Variants in KIF3A observed in about 807,000 individuals in gnomAD.
KIF3A encodes kinesin-like protein KIF3A.
In KIF3A, 27 loss-of-function variants were observed where a neutral mutation model predicts 92.6. The ratio of observed to expected loss-of-function variants is 0.29; its 90% CI spans 0.21 to 0.40. The LOEUF is 0.40. KIF3A is among the 10% of genes least tolerant of loss of function. The probability of loss-of-function intolerance (pLI) is 1.00; values close to 1 mark genes in which losing one functional copy is unlikely to be tolerated. For synonymous variants in KIF3A, 250 were observed against 275.4 expected (o/e 0.91, Z 0.92); for missense variants, 581 against 872.6 (o/e 0.67, Z 4.21).
At chr5:132,731,695 T>A (rs1465301985) in intron 2 of KIF3A, among the ~76,000 whole-genome samples, 1 of 151,870 alleles carries the variant, frequency 6.6e-6, no homozygotes, top group African/African-American at 2.4e-5. Flanking sequence ...GTAAAAACTG[T>A]CTTTACTTGC....
chr5:132,726,254 C>T (rs1365955075), intron 3 of KIF3A, 42 bp from the exon 4 acceptor site: 8 of 1,580,526 alleles, frequency 5.1e-6, no homozygotes, highest in Admixed American at 1.7e-5. Flanking sequence ...GTGAAATATT[C>T]ATAAGAACGG....
At position 132,700,765 on chromosome 5, in the gene KIF3A, A is replaced by G. The variant is rs1488496489; in HGVS notation, c.1885-65T>C. 4.0e-6 allele frequency: 4 copies of G among 994,482 alleles called. No homozygotes were observed. The East Asian group carries it at 1.0e-4, about 25-fold the overall frequency. 61.6% of individuals were successfully genotyped at this position (994,482 alleles called of 1,614,324 possible). A position where few individuals can be genotyped will look rare whatever the true frequency, so the allele number is the denominator to read the frequency against. On this transcript the variant is annotated intron_variant, in intron 15 of 18. Coordinates refer to ENST00000403231, the MANE Select transcript of KIF3A (RefSeq NM_001300791.2). Reference sequence around the variant, plus strand: ...ATAACATCTAAAATATTGAAGTCATAAAACTAAAATCTTAATAACATTGAG... The same window carrying G: ...ATAACATCTAAAATATTGAAGTCATGAAACTAAAATCTTAATAACATTGAG...
chr5:132,715,737 A>G lies in KIF3A; in HGVS notation c.1129+20T>C, dbSNP rs1357579805. ...GTATTTTTAGCCAACATAAAGATTA[A>G]TATTTTGAGGAAAAGCTACCTTCTT... On this transcript the variant is annotated intron_variant, in intron 8 of 18. Coordinates refer to ENST00000403231, the MANE Select transcript of KIF3A (RefSeq NM_001300791.2). 6.3e-7 allele frequency: 1 copy of G among 1,575,544 alleles called. No homozygotes were observed.
At position 132,702,155 on chromosome 5, in the gene KIF3A, G is replaced by A. The variant is rs1753060235; in HGVS notation, c.1816C>T (p.Arg606Trp). Residue 606 changes from arginine to tryptophan, a missense_variant, in exon 15 of 19, where the codon CGG (arginine) becomes TGG (tryptophan). By Grantham distance (101) the Arg-to-Trp change is moderately radical (BLOSUM62 -3). Around this residue, in one of 5 missense-constraint regions of KIF3A, gnomAD observed 45 missense variants for 115.8 expected, o/e 0.39. Transcript: ENST00000403231. ...AGTCGAAGCTCCCGGCTAAGTTGCCGAATGTTCTCCAGTAGGCCTTCAATT... is the reference window on the plus strand; with the variant it reads ...AGTCGAAGCTCCCGGCTAAGTTGCCAAATGTTCTCCAGTAGGCCTTCAATT... ...REIEGLLENI[R>W]QLSRELRLQM... The A allele has an allele frequency of 1.9e-6, 3 of 1,613,450 alleles. No individual in the cohort carries two copies. Among genetic ancestry groups the A allele is most frequent in the Non-Finnish European group, 2.5e-6 (3 of 1,179,580 alleles).
At chr5:132,727,797 G>A (rs2075128760) in intron 2 of KIF3A, among the ~76,000 whole-genome samples, 1 of 152,204 alleles carries the variant, frequency 6.6e-6, no homozygotes, top group Admixed American at 6.5e-5. Context: ...GGAGTAGTTG[G>A]TCAGGACACA....
chr5:132,701,182 T>C (rs916587947), intron 15 of KIF3A, among the ~76,000 whole-genome samples: 1 of 151,808 alleles, frequency 6.6e-6, no homozygotes, highest in African/African-American at 2.4e-5. Flanking sequence ...TTCTTAAAAC[T>C]GTATTGAGAT....
chr5:132,700,721 A>C (rs1753007621), intron 15 of KIF3A, 21 bp from the exon 16 acceptor site: 1 of 1,506,942 alleles, frequency 6.6e-7, no homozygotes, highest in Non-Finnish European at 9.2e-7. Flanking sequence ...GGTGAAAGAT[A>C]GCCTATTTTT....
intron 8 of KIF3A, among the ~76,000 whole-genome samples, chr5:132,712,922 T>A (rs1234448704): frequency 6.6e-6 from 1 of 151,972 alleles, no homozygotes; most frequent in African/African-American, 2.4e-5. Flanking sequence ...CACTTTGAGA[T>A]GCCGAGGCAG....
At chr5:132,734,536 A>G in intron 1 of KIF3A, 58 bp from the exon 2 acceptor site, 1 of 1,486,824 alleles carries the variant, frequency 6.7e-7, no homozygotes, top group South Asian at 1.4e-5. Context: ...CCCTCATCAG[A>G]TTAAATTTAT....
chr5:132,733,685 T>G (rs527658192), intron 2 of KIF3A, among the ~76,000 whole-genome samples: 1 of 152,190 alleles, frequency 6.6e-6, no homozygotes, highest in African/African-American at 2.4e-5. Context: ...GAGGATAGCT[T>G]CAGCCCAGGT....
intron 18 of KIF3A, 147 bp downstream of exon 18, chr5:132,699,024 C>A: frequency 1.2e-6 from 1 of 802,614 alleles, no homozygotes; most frequent in Non-Finnish European, 2.0e-6. Flanking sequence ...AGGCGTGAGC[C>A]ACTGTGCCCA....
chr5:132,737,494 T>C lies in KIF3A; in HGVS notation c.-75A>G, dbSNP rs1328409905. On this transcript the variant is annotated 5_prime_UTR_variant, in exon 1 of 19. Coordinates refer to ENST00000403231, the MANE Select transcript of KIF3A (RefSeq NM_001300791.2). ...AGCGACACCGGGTGCGCAGAAAGGA[T>C]GGCCAGAGACTACCGAAACACCTCG... The C allele has an allele frequency of 1.3e-6, 2 of 1,559,564 alleles. No homozygotes were observed. Among genetic ancestry groups the C allele is most frequent in the African/African-American group, 2.8e-5 (2 of 72,638 alleles).
At chr5:132,699,629 G>C (rs993502005) in intron 17 of KIF3A, 38 of 436,332 alleles carry the variant, frequency 8.7e-5, no homozygotes, top group African/African-American at 7.4e-4. Context: ...CGCGATCTGG[G>C]CTCACTGCAA....
chr5:132,735,282 C>T, intron 1 of KIF3A, among the ~76,000 whole-genome samples: 1 of 152,234 alleles, frequency 6.6e-6, no homozygotes, highest in South Asian at 2.1e-4. Context: ...ATCATGTTGG[C>T]CAGGCTGGTC....
intron 4 of KIF3A, among the ~76,000 whole-genome samples, chr5:132,724,822 T>A (rs1256533978): frequency 1.5e-3 from 22 of 15,110 alleles, no homozygotes; most frequent in African/African-American, 2.2e-3. Context: ...TATATATATA[T>A]ATATATATAT....
downstream of KIF3A, chr5:132,689,560 G>A (rs933336211): frequency 2.6e-5 from 4 of 152,184 alleles, no homozygotes; most frequent in African/African-American, 9.7e-5. Flanking sequence ...AAAATAGTCT[G>A]ATATAATAAT....
downstream of KIF3A, chr5:132,688,820 G>A (rs949209975): frequency 2.0e-5 from 3 of 152,334 alleles, no homozygotes; most frequent in Non-Finnish European, 1.5e-5. Flanking sequence ...TATCGACTCT[G>A]AGAAATACTT....
At chr5:132,731,145 T>C (rs960266545) in intron 2 of KIF3A, among the ~76,000 whole-genome samples, 1 of 152,142 alleles carries the variant, frequency 6.6e-6, no homozygotes, top group African/African-American at 2.4e-5. Flanking sequence ...TCTAGAAAAC[T>C]GAAAAGAAGG....
At chr5:132,737,347 CGGCCGCGCCCCCGGGCCA>C in intron 1 of KIF3A, 49 bp downstream of exon 1, 1 of 1,550,546 alleles carries the variant, frequency 6.4e-7, no homozygotes, top group Non-Finnish European at 8.7e-7. Context: ...TCCATGGCAA[CGGCCGCGCCCCCGGGCCA>C]GGCCGCTAGG....
Sources: gnomAD v4.1 joint callset for allele counts (sites outside exome capture counted in the v4.1 genomes callset) on GRCh38, gnomAD v4.1.1 for gene constraint, gnomAD v4.1.1 regional missense constraint, MANE v1.5 for transcripts, NCBI Gene and HGNC (gene_info 2026-07-23, HGNC 2026-07-21) for gene names.